Variants in NAV2 observed in about 807,000 individuals in gnomAD.
NAV2 encodes neuron navigator 2.
Under a neutral mutation model 223.2 loss-of-function variants are expected in NAV2, and 54 were observed. The ratio of observed to expected loss-of-function variants is 0.24; its 90% CI spans 0.19 to 0.30. The LOEUF (loss-of-function observed/expected upper bound fraction) is 0.30, where lower values mean the gene tolerates loss of function less well. NAV2 is among the 10% of genes least tolerant of loss of function. The probability of loss-of-function intolerance (pLI) is 1.00; values close to 1 mark genes in which losing one functional copy is unlikely to be tolerated. For missense variants in NAV2, 2,806 were observed against 3,147.5 expected, an observed-to-expected ratio of 0.89 and a Z score of 2.60; for synonymous variants, 1,279 against 1,239.3, an observed-to-expected ratio of 1.03 and a Z score of -0.67.
At chr11:20,024,182 C>T (rs1324444898) in intron 11 of NAV2, among the ~76,000 whole-genome samples, 1 of 152,184 alleles carries the variant, frequency 6.6e-6, no homozygotes, top group African/African-American at 2.4e-5. Flanking sequence ...ACACAGGATG[C>T]TAGCAGCACA....
intron 1 of NAV2, among the ~76,000 whole-genome samples, chr11:19,415,058 AT>A (rs1338692144): frequency 6.6e-6 from 1 of 152,194 alleles, no homozygotes; most frequent in African/African-American, 2.4e-5. Flanking sequence ...GAGCAAAAAA[AT>A]TCAAAAACTA....
At chr11:19,869,865 T>C (rs945901299) in intron 4 of NAV2, among the ~76,000 whole-genome samples, 46 of 152,194 alleles carry the variant, frequency 3.0e-4, no homozygotes, top group African/African-American at 1.0e-3. Flanking sequence ...AACAGCCAAA[T>C]TGAGCAGGTA....
At chr11:19,445,395 G>T (rs1401676134) in intron 1 of NAV2, among the ~76,000 whole-genome samples, 2 of 152,274 alleles carry the variant, frequency 1.3e-5, no homozygotes, top group East Asian at 3.9e-4. Flanking sequence ...CTGAACTCCT[G>T]GGAGGCACCA....
At chr11:19,474,619 G>A (rs1254572845) in intron 1 of NAV2, among the ~76,000 whole-genome samples, 1 of 152,234 alleles carries the variant, frequency 6.6e-6, no homozygotes, top group African/African-American at 2.4e-5. Flanking sequence ...GTGATCTATA[G>A]AGCTGCAAGC....
rs12805946 is a variant in NAV2 at position 19,620,480 on chromosome 11, C to A, written c.76-212004C>A. On this transcript the variant is annotated intron_variant, in intron 1 of 37. Coordinates refer to the NAV2 transcript ENST00000360655. ...CTCCTTGAAGAGGTCCTTCACATCC[C>A]TTGTAAGTTGGATTCCTAGGTATTT... Among the ~76,000 whole-genome samples, 8 of 151,770 alleles carry A rather than the reference C, an allele frequency of 5.3e-5. No individual in the cohort carries two copies. In the East Asian group the frequency reaches 5.8e-4, roughly 11 times the overall value.
chr11:19,708,930 A>C (rs2049764775), upstream of NAV2, among the ~76,000 whole-genome samples: 1 of 151,846 alleles, frequency 6.6e-6, no homozygotes, highest in African/African-American at 2.4e-5. Context: ...AAAAGAAAAA[A>C]GTTATTTTAA....
At chr11:19,916,388 G>GA (rs797019477) in intron 6 of NAV2, among the ~76,000 whole-genome samples, 27 of 151,900 alleles carry the variant, frequency 1.8e-4, no homozygotes, top group East Asian at 1.2e-3. Flanking sequence ...TGCTTTTGAG[G>GA]AAAAAAAATA....
At chr11:19,800,005 A>C (rs2058144555) in intron 1 of NAV2, among the ~76,000 whole-genome samples, 1 of 152,226 alleles carries the variant, frequency 6.6e-6, no homozygotes, top group Non-Finnish European at 1.5e-5. Flanking sequence ...AAACTTGAAT[A>C]GGAAAATGCA....
At chr11:19,359,938 A>G (rs1471917538) in intron 1 of NAV2, among the ~76,000 whole-genome samples, 2 of 151,884 alleles carry the variant, frequency 1.3e-5, no homozygotes, top group Admixed American at 1.3e-4. Flanking sequence ...TTCAAGGCTG[A>G]TCCTCATTGC....
chr11:19,877,118 G>C (rs750735875), intron 4 of NAV2, among the ~76,000 whole-genome samples: 35 of 151,998 alleles, frequency 2.3e-4, no homozygotes, highest in Non-Finnish European at 2.5e-4. Context: ...TCAAATCCCA[G>C]CTCCAGTGTT....
intron 10 of NAV2, among the ~76,000 whole-genome samples, chr11:19,978,157 G>A (rs118104607): frequency 0.011 from 1,738 of 151,990 alleles, 50 homozygotes; most frequent in Admixed American, 0.065. Context: ...GATGCAGGCA[G>A]CTTTGTTAGA....
chr11:19,892,116 G>A (rs1046697436), intron 5 of NAV2, among the ~76,000 whole-genome samples: 1 of 152,178 alleles, frequency 6.6e-6, no homozygotes, highest in African/African-American at 2.4e-5. Context: ...CCACCACCAT[G>A]CCTGGCTAAT....
intron 1 of NAV2, among the ~76,000 whole-genome samples, chr11:19,466,183 G>C (rs569543402): frequency 6.6e-5 from 10 of 152,222 alleles, no homozygotes; most frequent in Non-Finnish European, 1.5e-4. Context: ...ATTTATAAAA[G>C]CCTTGTCTCT....
chr11:19,548,696 G>A (rs184972709), intron 1 of NAV2, among the ~76,000 whole-genome samples: 72 of 147,948 alleles, frequency 4.9e-4, no homozygotes, highest in African/African-American at 1.5e-3. Context: ...GTGAAACCCC[G>A]TCTCTACTAA....
chr11:19,427,697 A>T (rs938468935), intron 1 of NAV2, among the ~76,000 whole-genome samples: 3 of 152,116 alleles, frequency 2.0e-5, no homozygotes, highest in African/African-American at 7.2e-5. Context: ...GATTTAGGGT[A>T]TTTACCATTC....
At chr11:19,907,597 G>A (rs935145829) in intron 6 of NAV2, among the ~76,000 whole-genome samples, 2 of 152,102 alleles carry the variant, frequency 1.3e-5, no homozygotes, top group African/African-American at 2.4e-5. Context: ...TTGTTAGGTG[G>A]TCCTTTCCTT....
intron 1 of NAV2, among the ~76,000 whole-genome samples, chr11:19,561,874 C>T (rs1432416837): frequency 2.0e-5 from 3 of 152,218 alleles, no homozygotes; most frequent in Non-Finnish European, 4.4e-5. Flanking sequence ...AGAAGAGATC[C>T]TGCCCCACTG....
At chr11:19,827,688 G>A (rs2059709603) in intron 1 of NAV2, among the ~76,000 whole-genome samples, 1 of 152,100 alleles carries the variant, frequency 6.6e-6, no homozygotes, top group South Asian at 2.1e-4. Flanking sequence ...AGTGTGAAGA[G>A]TTAGCCTTTA....
At chr11:19,538,812 G>A (rs1050759155) in intron 1 of NAV2, among the ~76,000 whole-genome samples, 7 of 151,852 alleles carry the variant, frequency 4.6e-5, no homozygotes, top group South Asian at 2.1e-4. Context: ...GAGATTTTGT[G>A]TACCCTTTAC....
Sources: gnomAD v4.1 joint callset for allele counts (sites outside exome capture counted in the v4.1 genomes callset) on GRCh38, gnomAD v4.1.1 for gene constraint, MANE v1.5 for transcripts, NCBI Gene and HGNC (gene_info 2026-07-23, HGNC 2026-07-21) for gene names.